Variants in SNX2 observed in about 807,000 individuals in gnomAD.
SNX2 encodes the protein sorting nexin 2.
Under a neutral mutation model 69.9 loss-of-function variants are expected in SNX2, and 25 were observed. The ratio of observed to expected loss-of-function variants is 0.36; its 90% CI spans 0.26 to 0.50. The LOEUF is 0.50. Among genes scored for constraint, SNX2 ranks in the 20% least tolerant of loss-of-function variants. The probability of loss-of-function intolerance (pLI) is 0.97; values close to 1 mark genes in which losing one functional copy is unlikely to be tolerated. For synonymous variants in SNX2, 229 were observed against 200.4 expected (o/e 1.14, Z -1.20); for missense variants, 551 against 613.3 (o/e 0.90, Z 1.07).
rs948512806 is a variant in SNX2 at position 122,795,314 on chromosome 5, A to G, written c.157A>G (p.Ser53Gly). ...EPASLPAEDI[S>G]ANSNGPKPTE... ...AGCTAGTCTTCCTGCAGAAGATATTAGTGCAAACTCCAATGGCCCAAAACC... is the reference window on the plus strand; with the variant it reads ...AGCTAGTCTTCCTGCAGAAGATATTGGTGCAAACTCCAATGGCCCAAAACC... Residue 53 changes from serine (S) to glycine (G), a missense_variant, in exon 2 of 15, where the codon AGT becomes GGT. Physicochemically the swap from Ser to Gly is moderately conservative, Grantham distance 56 (BLOSUM62 0). Around this residue, in one of 2 missense-constraint regions of SNX2, gnomAD observed 191 missense variants for 162.9 expected, o/e 1.17. Transcript: ENST00000379516. 73 of 1,613,914 alleles carry G rather than the reference A, an allele frequency of 4.5e-5. No individual in the cohort carries two copies. Among genetic ancestry groups the G allele is most frequent in the Non-Finnish European group, 5.4e-5 (64 of 1,179,936 alleles).
chr5:122,789,474 G>GACACACACACACACACAC lies in SNX2; in HGVS notation c.109-5779_109-5762dup, dbSNP rs60199625. On this transcript the variant is annotated intron_variant, in intron 1 of 14. Transcript: ENST00000379516. Reference sequence around the variant, plus strand: ...ACACACACACACACAGACACACACGGACACACACACACACACACACACACA... The same window carrying GACACACACACACACACAC: ...ACACACACACACACAGACACACACGGACACACACACACACACACACACACACACACACACACACACACA... Among the ~76,000 whole-genome samples the GACACACACACACACACAC allele has an allele frequency of 1.1e-3, 163 of 144,702 alleles. 1 individual carries two copies. The highest frequency in any genetic ancestry group is 4.7e-3 in the East Asian group (23 of 4,854). The allele number at this position is 144,702 out of a possible 152,430, so 94.9% of individuals were successfully genotyped here.
chr5:122,781,345 T>C (rs1469578232), intron 1 of SNX2, among the ~76,000 whole-genome samples: 1 of 152,242 alleles, frequency 6.6e-6, no homozygotes, highest in African/African-American at 2.4e-5. Flanking sequence ...ATGTATCAAT[T>C]GTTAATGACT....
chr5:122,822,184 C>T (rs1178654143), intron 11 of SNX2, among the ~76,000 whole-genome samples: 4 of 152,152 alleles, frequency 2.6e-5, no homozygotes, highest in African/African-American at 9.7e-5. Context: ...ACCTCCGCCT[C>T]CTAGGTTCAA....
At chr5:122,785,133 T>G (rs1753056861) in intron 1 of SNX2, among the ~76,000 whole-genome samples, 1 of 152,108 alleles carries the variant, frequency 6.6e-6, no homozygotes, top group Admixed American at 6.5e-5. Flanking sequence ...AGAGGTTTGA[T>G]ATCCTCTTAG....
In SNX2 at chr5:122,806,141, C is replaced by CGCGCGT. The variant is rs1561461118; in HGVS notation, c.644-2134_644-2133insGCGTGC. Among the ~76,000 whole-genome samples the CGCGCGT allele has an allele frequency of 6.0e-4, 44 of 72,818 alleles. No homozygotes were observed. The South Asian group carries it at 9.4e-3, about 16-fold the overall frequency. The allele number at this position is 72,818 out of a possible 152,430, so 47.8% of individuals were successfully genotyped here. ...GTGTGTATATATATACACACGCGCGCGCACACACACACACACACACACACA... is the reference window on the plus strand; with the variant it reads ...GTGTGTATATATATACACACGCGCGCGCGCGTGCACACACACACACACACACACACA... On this transcript the variant is annotated intron_variant, in intron 6 of 14. Transcript: ENST00000379516.
Position 122,829,699 on chromosome 5 carries a change from T to C in SNX2, c.*51T>C, listed in dbSNP as rs747232974. 1.4e-5 allele frequency: 21 copies of C among 1,454,606 alleles called. No homozygotes were observed. Among genetic ancestry groups the C allele is most frequent in the Non-Finnish European group, 2.0e-5 (21 of 1,035,594 alleles). 90.1% of individuals were successfully genotyped at this position (1,454,606 alleles called of 1,614,324 possible). On this transcript the variant is annotated 3_prime_UTR_variant, in exon 15 of 15. Coordinates refer to ENST00000379516, the MANE Select transcript of SNX2 (RefSeq NM_003100.4). The stretch of plus-strand genomic sequence containing the variant: ...ACCTTGGATGTTGTTCCAGTTATGC[T>C]GGATTCCACAGTGAAATCATTTAAA...
chr5:122,829,499 C>A, intron 14 of SNX2, 99 bp from the exon 15 acceptor site: 2 of 913,006 alleles, frequency 2.2e-6, no homozygotes, highest in South Asian at 1.5e-5. Flanking sequence ...GCTACCCAGC[C>A]CGGCTTATGT....
chr5:122,775,992 G>C (rs1023940776), intron 1 of SNX2, among the ~76,000 whole-genome samples: 1 of 152,080 alleles, frequency 6.6e-6, no homozygotes, highest in Non-Finnish European at 1.5e-5. Context: ...TTTTGTCAAA[G>C]GAAGCACCCT....
intron 1 of SNX2, among the ~76,000 whole-genome samples, chr5:122,784,034 T>C (rs747763621): frequency 2.1e-4 from 32 of 151,892 alleles, no homozygotes; most frequent in Non-Finnish European, 3.2e-4. Context: ...TTTAGTGCTT[T>C]TATTTCTTTT....
rs371427175 is a variant in SNX2, at chr5:122,833,313, T to C, written c.*3665T>C. ...GCATTTTTGATGAGGGCCATGAAGA[T>C]AGGTCATGGTAATCTATGGAGAAGG... On this transcript the variant is annotated 3_prime_UTR_variant, in exon 15 of 15. Coordinates refer to ENST00000379516, the MANE Select transcript of SNX2 (RefSeq NM_003100.4). 1.6e-4 allele frequency: 25 copies of C among 152,262 alleles called. No individual in the cohort carries two copies. The East Asian group carries it at 2.9e-3, about 18-fold the overall frequency. 9.4% of individuals were successfully genotyped at this position (152,262 alleles called of 1,614,324 possible).
intron 11 of SNX2, among the ~76,000 whole-genome samples, chr5:122,824,703 A>T (rs1164688117): frequency 1.3e-5 from 2 of 152,184 alleles, no homozygotes; most frequent in Admixed American, 6.5e-5. Context: ...TCACATTTTT[A>T]AAAATTGCCA....
chr5:122,815,683 T>C (rs1753884525), intron 7 of SNX2: 2 of 325,692 alleles, frequency 6.1e-6, no homozygotes, highest in East Asian at 5.0e-5. Flanking sequence ...TACGTAATTA[T>C]GAAAACTGGA....
chr5:122,806,113 C>CGTGTGTGT lies in SNX2; in HGVS notation c.644-2163_644-2156dup, dbSNP rs767764868. Among the ~76,000 whole-genome samples the CGTGTGTGT allele has an allele frequency of 2.0e-3, 231 of 117,374 alleles. 5 individuals carry two copies. Among genetic ancestry groups the CGTGTGTGT allele is most frequent in the South Asian group, 0.019 (73 of 3,876 alleles). The allele number at this position is 117,374 out of a possible 152,430, so 77.0% of individuals were successfully genotyped here. A position where few individuals can be genotyped will look rare whatever the true frequency, so the allele number is the denominator to read the frequency against. Reference sequence around the variant, plus strand: ...ACTTTTATGTGTGTGTGTGTGTGTGCGTGTGTGTATATATATACACACGCG... The same window carrying CGTGTGTGT: ...ACTTTTATGTGTGTGTGTGTGTGTGCGTGTGTGTGTGTGTGTATATATATACACACGCG... On this transcript the variant is annotated intron_variant, in intron 6 of 14. Coordinates refer to ENST00000379516, the MANE Select transcript of SNX2 (RefSeq NM_003100.4).
intron 5 of SNX2, 52 bp downstream of exon 5, chr5:122,802,176 A>G: frequency 5.7e-6 from 8 of 1,396,648 alleles, no homozygotes; most frequent in East Asian, 2.3e-5. Context: ...TATGTGTAGT[A>G]TGAGGATATG....
chr5:122,776,629 G>A (rs1752863289), intron 1 of SNX2, among the ~76,000 whole-genome samples: 1 of 152,094 alleles, frequency 6.6e-6, no homozygotes, highest in Non-Finnish European at 1.5e-5. Context: ...TTACTATACA[G>A]CTACTTTAAC....
At chr5:122,818,536 G>A (rs997780805) in intron 10 of SNX2, among the ~76,000 whole-genome samples, 3 of 152,032 alleles carry the variant, frequency 2.0e-5, no homozygotes, top group African/African-American at 7.2e-5. Flanking sequence ...GAACACTGTG[G>A]GAGAAAAAAC....
intron 14 of SNX2, among the ~76,000 whole-genome samples, chr5:122,828,749 A>G (rs1161210491): frequency 6.6e-6 from 1 of 152,214 alleles, no homozygotes; most frequent in Non-Finnish European, 1.5e-5. Flanking sequence ...AGCCAGGAGT[A>G]ATTAATGTTT....
intron 2 of SNX2, among the ~76,000 whole-genome samples, chr5:122,798,281 T>G (rs1354591286): frequency 1.3e-5 from 2 of 152,184 alleles, no homozygotes; most frequent in Non-Finnish European, 2.9e-5. Flanking sequence ...ACGGTAGGCT[T>G]ATCTATAGCC....
chr5:122,800,016 C>T (rs1753473812), intron 3 of SNX2, among the ~76,000 whole-genome samples, 161 bp downstream of exon 3: 1 of 152,196 alleles, frequency 6.6e-6, no homozygotes, highest in Non-Finnish European at 1.5e-5. Context: ...ATCTTCCCCA[C>T]TCTACCCAGT....
Sources: allele counts gnomAD v4.1 joint callset (sites outside exome capture counted in the v4.1 genomes callset), GRCh38; gene constraint gnomAD v4.1.1; regional missense constraint gnomAD v4.1.1; transcripts MANE v1.5; gene names NCBI Gene and HGNC (gene_info 2026-07-23, HGNC 2026-07-21).